Variants in NDUFS3 observed in about 807,000 individuals in gnomAD.
The protein encoded by NDUFS3 is NADH:ubiquinone oxidoreductase core subunit S3, also known as NADH dehydrogenase [ubiquinone] iron-sulfur protein 3, mitochondrial.
A neutral mutation model predicts 30.8 loss-of-function variants in NDUFS3; 19 were observed. That is an observed-to-expected ratio of 0.62 (90% confidence interval 0.43 to 0.91). NDUFS3 has a LOEUF of 0.91. Among genes scored for constraint, NDUFS3 ranks in the 40% least tolerant of loss-of-function variants. The probability of loss-of-function intolerance (pLI) is 0.00; values close to 1 mark genes in which losing one functional copy is unlikely to be tolerated. For synonymous variants in NDUFS3, 153 were observed against 135.8 expected, an observed-to-expected ratio of 1.13 and a Z score of -0.88; for missense variants, 331 against 342.0, an observed-to-expected ratio of 0.97 and a Z score of 0.25.
intron 4 of NDUFS3, 185 bp from the exon 5 acceptor site, chr11:47,581,903 G>A: frequency 1.3e-6 from 1 of 754,906 alleles, no homozygotes; most frequent in Middle Eastern, 3.6e-4. Flanking sequence ...AAAGTGAATA[G>A]CATGAGCAAA....
intron 5 of NDUFS3, 61 bp from the exon 6 acceptor site, chr11:47,582,288 A>G (rs1379648392): frequency 1.9e-6 from 3 of 1,614,104 alleles, no homozygotes; most frequent in South Asian, 1.1e-5. Flanking sequence ...GATGCAGTGT[A>G]GCCCCTTCCC....
rs1555198761 is a variant in NDUFS3 at position 47,580,539 on chromosome 11, CGGAATGATGT to C, written c.151_160del (p.Asn51ProfsTer31). 1 of 1,614,196 alleles carries C rather than the reference CGGAATGATGT, an allele frequency of 6.2e-7. No homozygotes were observed. The highest frequency in any genetic ancestry group is 8.5e-7 in the Non-Finnish European group (1 of 1,180,032). On this transcript the variant is annotated frameshift_variant, in exon 3 of 7. Coordinates refer to ENST00000263774, the MANE Select transcript of NDUFS3 (RefSeq NM_004551.3). LOFTEE classifies it high-confidence loss of function. ...TTTCCTTCCAGCCACTGTCAGACCA[CGGAATGATGT>C]GGCCCACAAGCAGCTCTCAGCTTTT...
intron 4 of NDUFS3, 165 bp downstream of exon 4, chr11:47,581,149 A>ATTT (rs1565942227): frequency 1.3e-6 from 1 of 786,026 alleles, no homozygotes; most frequent in African/African-American, 1.8e-5. Context: ...TAACTCAAAT[A>ATTT]TTTTGTTTAA....
At chr11:47,581,264 C>T (rs1366395835) in intron 4 of NDUFS3, 1 of 412,998 alleles carries the variant, frequency 2.4e-6, no homozygotes, top group East Asian at 5.6e-5. Context: ...AGCGATTCCC[C>T]TGCCTCAGCC....
intron 2 of NDUFS3, 30 bp from the exon 3 acceptor site, chr11:47,580,495 T>G: frequency 6.2e-7 from 1 of 1,611,490 alleles, no homozygotes; most frequent in Non-Finnish European, 8.5e-7. Flanking sequence ...CCTTCTCCAT[T>G]TCTTTTTTAA....
At position 47,584,527 on chromosome 11, in the gene NDUFS3, T is replaced by C. The variant is rs969806493; in HGVS notation, c.*46T>C. The C allele has an allele frequency of 6.2e-7, 1 of 1,602,044 alleles. No homozygotes were observed. The highest frequency in any genetic ancestry group is 8.5e-7 in the Non-Finnish European group (1 of 1,170,316). ...TCCTAGACAGCGCCTTATCTATGAT[T>C]GAGTGTCCGTGTAAATAAATTCCTA... On this transcript the variant is annotated 3_prime_UTR_variant, in exon 7 of 7. Transcript: ENST00000263774.
chr11:47,580,436 T>C, intron 2 of NDUFS3, 89 bp from the exon 3 acceptor site: 1 of 1,242,356 alleles, frequency 8.0e-7, no homozygotes, highest in Non-Finnish European at 1.2e-6. Flanking sequence ...CTTTCCTGGA[T>C]TTGACATCCC....
intron 2 of NDUFS3, 118 bp from the exon 3 acceptor site, chr11:47,580,407 T>C (rs2097267926): frequency 1.1e-6 from 1 of 939,392 alleles, no homozygotes; most frequent in South Asian, 1.3e-5. Flanking sequence ...TGCACCTTTC[T>C]CAAGGTGCTT....
At chr11:47,583,913 G>A (rs1271306789) in intron 6 of NDUFS3, among the ~76,000 whole-genome samples, 3 of 152,188 alleles carry the variant, frequency 2.0e-5, no homozygotes, top group Non-Finnish European at 2.9e-5. Flanking sequence ...AGGGCACCGG[G>A]CCTGAGGTTG....
intron 2 of NDUFS3, among the ~76,000 whole-genome samples, chr11:47,579,892 A>G (rs1397562461): frequency 2.0e-5 from 3 of 152,092 alleles, no homozygotes; most frequent in African/African-American, 7.2e-5. Flanking sequence ...TTAGGGTTGC[A>G]TGAATGAGTA....
intron 2 of NDUFS3, 40 bp from the exon 3 acceptor site, chr11:47,580,485 C>T (rs753891125): frequency 6.2e-7 from 1 of 1,600,002 alleles, no homozygotes; most frequent in South Asian, 1.1e-5. Context: ...CTGGCTTTTG[C>T]CTTCTCCATT....
rs564072891 is a variant in NDUFS3, at chr11:47,579,109, A to G, written c.18A>G (p.Val6=). The G allele has an allele frequency of 3.2e-6, 5 of 1,580,920 alleles. No individual in the cohort carries two copies. The Admixed American group carries it at 9.1e-5, about 29-fold the overall frequency. MAAAA[V]ARLWWRGILG... ...TGAGTAACATGGCGGCGGCGGCGGT[A>G]GCCAGGCTGTGGTGGCGCGGGATCT... The change falls in exon 1 of 7, where the codon GTA becomes GTG. Residue 6 remains valine (V), a synonymous_variant. Transcript: ENST00000263774.
Position 47,584,346 on chromosome 11 carries a change from G to A in NDUFS3, c.660G>A (p.Val220=). ...LRYDDEVKRV[V]AEPVELAQEF... Reference sequence around the variant, plus strand: ...ATGATGATGAAGTGAAGCGGGTGGTGGCAGAGCCGGTGGAGTTGGCCCAAG... The same window carrying A: ...ATGATGATGAAGTGAAGCGGGTGGTAGCAGAGCCGGTGGAGTTGGCCCAAG... Residue 220 remains valine (V), a synonymous_variant, in exon 7 of 7, where the codon GTG becomes GTA. Transcript: ENST00000263774. The A allele has an allele frequency of 6.2e-7, 1 of 1,614,112 alleles. No individual in the cohort carries two copies. The highest frequency in any genetic ancestry group is 1.1e-5 in the South Asian group (1 of 91,082).
At chr11:47,579,842 C>T (rs905081365) in intron 2 of NDUFS3, 3 of 227,984 alleles carry the variant, frequency 1.3e-5, no homozygotes, top group Non-Finnish European at 2.6e-5. Context: ...AAACACCTAA[C>T]CATTATTCTG....
intron 2 of NDUFS3, among the ~76,000 whole-genome samples, chr11:47,579,911 T>C (rs1284348298): frequency 1.3e-5 from 2 of 152,042 alleles, no homozygotes; most frequent in Non-Finnish European, 2.9e-5. Flanking sequence ...TATGTACATA[T>C]TATGTTACAG....
At position 47,582,245 on chromosome 11, in the gene NDUFS3, G is replaced by A. The variant is rs770264683; in HGVS notation, c.507+32G>A. ...TACCGGATATGGTGGACCTGCCTCTGGGCCACAGTTGCAGAACTGGTTCAG... is the reference window on the plus strand; with the variant it reads ...TACCGGATATGGTGGACCTGCCTCTAGGCCACAGTTGCAGAACTGGTTCAG... On this transcript the variant is annotated intron_variant, in intron 5 of 6. Transcript: ENST00000263774. 5 of 1,614,096 alleles carry A rather than the reference G, an allele frequency of 3.1e-6. No individual in the cohort carries two copies. The Admixed American group carries it at 8.3e-5, about 27-fold the overall frequency.
chr11:47,580,651 G>A, intron 3 of NDUFS3, 29 bp downstream of exon 3: 1 of 1,610,076 alleles, frequency 6.2e-7, no homozygotes. Flanking sequence ...ATTTGGGTCT[G>A]GGTCAAGAAA....
intron 2 of NDUFS3, among the ~76,000 whole-genome samples, chr11:47,580,016 CACACACACACA>C (rs1565940954): frequency 3.2e-5 from 4 of 124,036 alleles, no homozygotes; most frequent in African/African-American, 1.3e-4. Context: ...CACACACACA[CACACACACACA>C]CACCTGGGCC....
chr11:47,581,292 T>C (rs1357695627), intron 4 of NDUFS3: 5 of 378,196 alleles, frequency 1.3e-5, no homozygotes, highest in Non-Finnish European at 2.5e-5. Flanking sequence ...TAGCTGGGAC[T>C]ACAGGTGCAT....
Sources: allele counts gnomAD v4.1 joint callset (sites outside exome capture counted in the v4.1 genomes callset), GRCh38; gene constraint gnomAD v4.1.1; transcripts MANE v1.5; gene names NCBI Gene and HGNC (gene_info 2026-07-23, HGNC 2026-07-21).